Variants in PCDH7 observed in about 807,000 individuals in gnomAD.
PCDH7 encodes protocadherin-7.
PCDH7 carries 17 observed loss-of-function variants against 58.9 expected under a neutral mutation model. The ratio of observed to expected loss-of-function variants is 0.29; its 90% CI spans 0.20 to 0.43. The LOEUF is 0.43. Among genes scored for constraint, PCDH7 ranks in the 20% least tolerant of loss-of-function variants. The pLI is 1.00. For synonymous variants in PCDH7, 664 were observed against 616.4 expected (o/e 1.08, Z -1.14); for missense variants, 1,274 against 1,441.0 (o/e 0.88, Z 1.88).
At chr4:30,775,741 A>T (rs1721976255) in intron 1 of PCDH7, among the ~76,000 whole-genome samples, 1 of 152,120 alleles carries the variant, frequency 6.6e-6, no homozygotes, top group Admixed American at 6.5e-5. Flanking sequence ...TACTAAAAAT[A>T]TAAAAATTAG....
chr4:30,841,282 T>G (rs1731180502), intron 1 of PCDH7, among the ~76,000 whole-genome samples: 1 of 152,140 alleles, frequency 6.6e-6, no homozygotes, highest in Non-Finnish European at 1.5e-5. Flanking sequence ...ACAATTTGCT[T>G]CCTAGTAATA....
chr4:30,789,144 A>G (rs1403670053), intron 1 of PCDH7, among the ~76,000 whole-genome samples: 1 of 152,088 alleles, frequency 6.6e-6, no homozygotes, highest in African/African-American at 2.4e-5. Flanking sequence ...GTCCCCCCCT[A>G]AGTTAATTGA....
intron 1 of PCDH7, among the ~76,000 whole-genome samples, chr4:30,914,604 A>T (rs1434209810): frequency 2.0e-5 from 3 of 152,180 alleles, no homozygotes; most frequent in South Asian, 2.1e-4. Flanking sequence ...GATTTTAGAA[A>T]TTCTATTTAG....
chr4:31,064,661 A>G (rs1757938546), intron 3 of PCDH7, among the ~76,000 whole-genome samples: 1 of 151,940 alleles, frequency 6.6e-6, no homozygotes, highest in South Asian at 2.1e-4. Context: ...TCCTCACGTG[A>G]TGTTCACCCT....
chr4:30,955,910 C>T (rs1335689309), intron 3 of PCDH7, among the ~76,000 whole-genome samples: 4 of 151,774 alleles, frequency 2.6e-5, no homozygotes, highest in East Asian at 2.0e-4. Context: ...ACAGGCTGGA[C>T]GCAGTGGCTC....
chr4:30,889,206 A>G (rs1347404733), intron 1 of PCDH7, among the ~76,000 whole-genome samples: 2 of 151,266 alleles, frequency 1.3e-5, no homozygotes, highest in Non-Finnish European at 2.9e-5. Flanking sequence ...TTAAGTTACC[A>G]AGAGTTAACA....
chr4:30,931,377 A>G (rs967503318), intron 2 of PCDH7, among the ~76,000 whole-genome samples: 21 of 152,238 alleles, frequency 1.4e-4, no homozygotes, highest in African/African-American at 3.6e-4. Context: ...GGAGTTCAAG[A>G]CCAGCCTGAC....
chr4:30,926,669 T>C (rs948144122), intron 2 of PCDH7, among the ~76,000 whole-genome samples: 8 of 152,196 alleles, frequency 5.3e-5, no homozygotes, highest in African/African-American at 1.9e-4. Context: ...TAGTGACTTA[T>C]AAATATAGCA....
At chr4:30,904,068 A>G (rs938280913) in intron 1 of PCDH7, among the ~76,000 whole-genome samples, 7 of 152,160 alleles carry the variant, frequency 4.6e-5, no homozygotes, top group Non-Finnish European at 8.8e-5. Flanking sequence ...TTCAATGATG[A>G]CTATAGCCTC....
intron 3 of PCDH7, among the ~76,000 whole-genome samples, chr4:31,045,736 G>T (rs1021252438): frequency 7.2e-5 from 11 of 151,842 alleles, no homozygotes; most frequent in Non-Finnish European, 1.3e-4. Context: ...CTACATCCTT[G>T]CATTAAGCTG....
At chr4:31,100,275 T>C (rs981760242) in intron 3 of PCDH7, among the ~76,000 whole-genome samples, 2 of 152,312 alleles carry the variant, frequency 1.3e-5, no homozygotes, top group African/African-American at 4.8e-5. Flanking sequence ...GGGATCAGCA[T>C]GGCTGAACCA....
Position 31,051,275 on chromosome 4 carries a change from G to A in PCDH7, c.*8-91198G>A, listed in dbSNP as rs114349518. Among the ~76,000 whole-genome samples the A allele has an allele frequency of 6.4e-3, 974 of 152,198 alleles. 7 individuals are homozygous for A. Among genetic ancestry groups the A allele is most frequent in the African/African-American group, 0.022 (896 of 41,534 alleles). Reference sequence around the variant, plus strand: ...GACTGTTTCTCCAACTGAACTGTGAGTTTCTTGAAGACAGAGACCATATCC... The same window carrying A: ...GACTGTTTCTCCAACTGAACTGTGAATTTCTTGAAGACAGAGACCATATCC... On this transcript the variant is annotated intron_variant, in intron 3 of 3. Coordinates refer to the PCDH7 transcript ENST00000509759.
chr4:30,784,796 A>C (rs1462798054), intron 1 of PCDH7, among the ~76,000 whole-genome samples: 2 of 152,040 alleles, frequency 1.3e-5, no homozygotes, highest in African/African-American at 2.4e-5. Flanking sequence ...GGGGAAAAAA[A>C]GGGGCAAAAT....
At chr4:30,777,482 C>T (rs190762988) in intron 1 of PCDH7, among the ~76,000 whole-genome samples, 3 of 152,178 alleles carry the variant, frequency 2.0e-5, no homozygotes, top group African/African-American at 4.8e-5. Context: ...TTATCATTTA[C>T]GTCCTATGAA....
intron 2 of PCDH7, among the ~76,000 whole-genome samples, chr4:30,942,348 A>C (rs574764504): frequency 6.6e-6 from 1 of 152,102 alleles, no homozygotes; most frequent in Non-Finnish European, 1.5e-5. Flanking sequence ...AAAGAAATTC[A>C]ATTTGCGAAT....
At chr4:31,078,279 TTCTC>T (rs900182032) in intron 3 of PCDH7, among the ~76,000 whole-genome samples, 7 of 150,680 alleles carry the variant, frequency 4.6e-5, no homozygotes, top group African/African-American at 1.2e-4. Flanking sequence ...ATAAAACCAA[TTCTC>T]TCTCTCTCTC....
At chr4:31,087,383 C>G (rs1191347034) in intron 3 of PCDH7, among the ~76,000 whole-genome samples, 1 of 152,084 alleles carries the variant, frequency 6.6e-6, no homozygotes, top group African/African-American at 2.4e-5. Flanking sequence ...ATGAATGATA[C>G]TATTCTTAAG....
intron 2 of PCDH7, among the ~76,000 whole-genome samples, chr4:30,948,264 T>A (rs1394399472): frequency 6.6e-6 from 1 of 151,336 alleles, no homozygotes; most frequent in Non-Finnish European, 1.5e-5. Flanking sequence ...TACATAAAAG[T>A]CTTAGCATAT....
chr4:31,042,495 T>C (rs749744641), intron 3 of PCDH7, among the ~76,000 whole-genome samples: 8 of 152,136 alleles, frequency 5.3e-5, no homozygotes, highest in Non-Finnish European at 7.3e-5. Flanking sequence ...TATGTGTGTG[T>C]GTATTTTATA....
Sources: gnomAD v4.1 joint callset for allele counts (sites outside exome capture counted in the v4.1 genomes callset) on GRCh38, gnomAD v4.1.1 for gene constraint, MANE v1.5 for transcripts, NCBI Gene and HGNC (gene_info 2026-07-23, HGNC 2026-07-21) for gene names.